Variants in ANKS1A observed in about 807,000 individuals in gnomAD.
ANKS1A encodes ankyrin repeat and SAM domain-containing protein 1A.
In ANKS1A, 55 loss-of-function variants were observed where a neutral mutation model predicts 120.3. That is an observed-to-expected ratio of 0.46 (90% CI 0.37 to 0.57). The LOEUF (loss-of-function observed/expected upper bound fraction) is 0.57, where lower values mean the gene tolerates loss of function less well. ANKS1A is among the 20% of genes least tolerant of loss of function. The probability of loss-of-function intolerance (pLI) is 0.00; values close to 1 mark genes in which losing one functional copy is unlikely to be tolerated. For synonymous variants in ANKS1A, 590 were observed against 604.7 expected (o/e 0.98, Z 0.36); for missense variants, 1,123 against 1,480.3 (o/e 0.76, Z 3.96).
At chr6:34,998,596 A>G (rs749162995) in intron 10 of ANKS1A, among the ~76,000 whole-genome samples, 2 of 152,034 alleles carry the variant, frequency 1.3e-5, no homozygotes, top group Non-Finnish European at 2.9e-5. Flanking sequence ...GGTCTGTTCT[A>G]TTTCACTCTG....
chr6:34,980,206 C>T lies in ANKS1A; in HGVS notation c.436-1484C>T, dbSNP rs140811352. ...CAGGCCGGCTGTATCCTCTGGCCAG[C>T]GAAGGCTGTTGGCACTTTCCTGACA... On this transcript the variant is annotated intron_variant, in intron 3 of 23. Coordinates refer to ENST00000360359, the MANE Select transcript of ANKS1A (RefSeq NM_015245.3). 5.8e-3 allele frequency among the ~76,000 whole-genome samples: 887 copies of T among 152,362 alleles called. 7 individuals are homozygous for T. Among genetic ancestry groups the T allele is most frequent in the African/African-American group, 0.015 (639 of 41,576 alleles).
At chr6:35,029,682 C>T (rs1437360246) in intron 11 of ANKS1A, among the ~76,000 whole-genome samples, 1 of 149,894 alleles carries the variant, frequency 6.7e-6, no homozygotes, top group Non-Finnish European at 1.5e-5. Flanking sequence ...GTTAAGAAGA[C>T]TTTCCTTACT....
At chr6:34,932,603 T>C (rs1769042835) in intron 1 of ANKS1A, among the ~76,000 whole-genome samples, 1 of 152,212 alleles carries the variant, frequency 6.6e-6, no homozygotes, top group African/African-American at 2.4e-5. Context: ...CAGGCTGGTC[T>C]TAAACTCCTG....
intron 13 of ANKS1A, among the ~76,000 whole-genome samples, chr6:35,064,587 C>T (rs1050005694): frequency 1.1e-4 from 17 of 152,248 alleles, no homozygotes; most frequent in Non-Finnish European, 2.2e-4. Flanking sequence ...GGCTCCCTTC[C>T]TGTTCCTGTC....
In ANKS1A at chr6:35,084,257, T is replaced by A; in HGVS notation, c.3131T>A (p.Val1044Glu). The A allele has an allele frequency of 1.2e-6, 2 of 1,613,886 alleles. No individual in the cohort carries two copies. The highest frequency in any genetic ancestry group is 1.7e-6 in the Non-Finnish European group (2 of 1,179,924). The change falls in exon 21 of 24, where the codon GTG becomes GAG. Residue 1044 changes from valine (V) to glutamate (E), a missense_variant and splice_region_variant. This residue lies in a region of ANKS1A where 904 missense variants were observed against 1,130.4 expected (regional missense o/e 0.80). Transcript: ENST00000360359. The surrounding 1 kb of genome is among the most constrained non-coding windows in gnomAD (Gnocchi z 4.8). ...HYCHVFSTVD[V>E]NLTYEIILTL... Reference sequence around the variant, plus strand: ...TGCCATGTGTTCAGCACCGTGGATGTGGTGGGTGGGGTCCTGGGGCCGGGT... The same window carrying A: ...TGCCATGTGTTCAGCACCGTGGATGAGGTGGGTGGGGTCCTGGGGCCGGGT...
chr6:34,916,851 G>A (rs945953482), intron 1 of ANKS1A, among the ~76,000 whole-genome samples: 1 of 152,120 alleles, frequency 6.6e-6, no homozygotes, highest in East Asian at 1.9e-4. Flanking sequence ...ATAGTCCATC[G>A]TGGTCTGTCA....
At position 34,973,799 on chromosome 6, in the gene ANKS1A, T is replaced by G. The variant is rs975499376; in HGVS notation, c.435+3633T>G. On this transcript the variant is annotated intron_variant, in intron 3 of 23. Transcript: ENST00000360359. ...ATTTGACCTTAGGTAGTGGAGCACA[T>G]CAGCTTTGTTTTGGCTTACTCTTTC... is the stretch of plus-strand genomic sequence containing the variant. Among the ~76,000 whole-genome samples the G allele has an allele frequency of 9.9e-5, 15 of 152,166 alleles. 1 individual carries two copies. The highest frequency in any genetic ancestry group is 6.8e-3 in the Middle Eastern group (2 of 294).
intron 1 of ANKS1A, among the ~76,000 whole-genome samples, chr6:34,900,751 G>C (rs768398054): frequency 1.6e-4 from 25 of 151,982 alleles, no homozygotes; most frequent in Non-Finnish European, 3.2e-4. Context: ...TTTGCTCTTG[G>C]TTATTATGCA....
At position 34,982,778 on chromosome 6, in the gene ANKS1A, G is replaced by A. The variant is rs918692918; in HGVS notation, c.759G>A (p.Glu253=). ...CGGAGATGGGCAGTGCTTTGCATGA[G>A]GCTGCTTTGTTTGGCAAGACCGATG... ...YQTEMGSALH[E]AALFGKTDVV... Residue 253 remains glutamate, a synonymous_variant, in exon 5 of 24, where the codon GAG becomes GAA. Transcript: ENST00000360359. This position sits in a 1 kb window ranked among gnomAD's most constrained non-coding sequence, Gnocchi z 4.9. 5 of 1,614,130 alleles carry A rather than the reference G, an allele frequency of 3.1e-6. No homozygotes were observed. The highest frequency in any genetic ancestry group is 2.2e-5 in the South Asian group (2 of 91,090).
At chr6:35,063,624 G>A (rs1276169933) in intron 13 of ANKS1A, among the ~76,000 whole-genome samples, 1 of 152,268 alleles carries the variant, frequency 6.6e-6, no homozygotes. Context: ...GTGCAAGGGA[G>A]TGAGCCAAGA....
Position 35,017,887 on chromosome 6 carries a change from C to A in ANKS1A, c.1838C>A (p.Pro613His), listed in dbSNP as rs894727718. The A allele has an allele frequency of 1.2e-6, 2 of 1,614,086 alleles. No individual in the cohort carries two copies. Among genetic ancestry groups the A allele is most frequent in the African/African-American group, 2.7e-5 (2 of 74,926 alleles). The part of the protein sequence containing the change: ...ARSRAPPTSK[P>H]KAELKLSRSL... Reference sequence around the variant, plus strand: ...AGCCGAGCGCCTCCCACTAGCAAACCCAAAGCTGAACTCAAACTCAGCCGC... The same window carrying A: ...AGCCGAGCGCCTCCCACTAGCAAACACAAAGCTGAACTCAAACTCAGCCGC... Residue 613 changes from proline (P) to histidine (H), a missense_variant, in exon 11 of 24, where the codon CCC becomes CAC. Pro to His is a moderately conservative substitution (Grantham distance 77). Around this residue, in one of 3 missense-constraint regions of ANKS1A, gnomAD observed 904 missense variants for 1,130.4 expected, o/e 0.80. Transcript: ENST00000360359.
chr6:35,010,130 A>G (rs1773679829), intron 10 of ANKS1A, among the ~76,000 whole-genome samples: 1 of 151,630 alleles, frequency 6.6e-6, no homozygotes, highest in Non-Finnish European at 1.5e-5. Context: ...AAGCCTGCTG[A>G]ACTCCAGCCT....
intron 1 of ANKS1A, among the ~76,000 whole-genome samples, chr6:34,934,732 C>A (rs894828669): frequency 2.6e-5 from 4 of 152,244 alleles, no homozygotes; most frequent in Non-Finnish European, 5.9e-5. Flanking sequence ...CTTGCTCTTA[C>A]ACATGTGAAA....
At chr6:35,040,901 G>C (rs7742443) in intron 11 of ANKS1A, among the ~76,000 whole-genome samples, 25,632 of 152,220 alleles carry the variant, frequency 0.17, 2,439 homozygotes, top group Non-Finnish European at 0.22. Context: ...TGCCTCCACT[G>C]TGTCTTCCCT....
chr6:34,939,484 A>G (rs1309801254), intron 1 of ANKS1A, among the ~76,000 whole-genome samples: 2 of 152,206 alleles, frequency 1.3e-5, no homozygotes, highest in African/African-American at 4.8e-5. Context: ...TGTTTTAGCA[A>G]TATTATAATA....
intron 10 of ANKS1A, among the ~76,000 whole-genome samples, chr6:35,010,664 A>T (rs1285947289): frequency 6.6e-6 from 1 of 152,214 alleles, no homozygotes; most frequent in Non-Finnish European, 1.5e-5. Context: ...GTATCCATTG[A>T]TCTAGAAAGA....
intron 10 of ANKS1A, among the ~76,000 whole-genome samples, chr6:34,994,653 G>A (rs563178491): frequency 9.2e-5 from 14 of 152,302 alleles, no homozygotes; most frequent in African/African-American, 2.9e-4. Context: ...CAAGGAAAAG[G>A]TTAGGTCAGA....
At chr6:34,998,445 T>C (rs1449207527) in intron 10 of ANKS1A, among the ~76,000 whole-genome samples, 3 of 152,168 alleles carry the variant, frequency 2.0e-5, no homozygotes, top group Non-Finnish European at 4.4e-5. Context: ...GCCTGGCACC[T>C]AGGAACAGAC....
chr6:34,980,723 T>A (rs1322896460), intron 3 of ANKS1A, among the ~76,000 whole-genome samples: 1 of 152,036 alleles, frequency 6.6e-6, no homozygotes, highest in Non-Finnish European at 1.5e-5. Flanking sequence ...AAAGGAGAGG[T>A]CATGGGACTT....
Sources: gnomAD v4.1 joint callset for allele counts (sites outside exome capture counted in the v4.1 genomes callset) on GRCh38, gnomAD v4.1.1 for gene constraint, gnomAD v4.1.1 regional missense constraint, Gnocchi (gnomAD v3.1) non-coding constraint, MANE v1.5 for transcripts, NCBI Gene and HGNC (gene_info 2026-07-23, HGNC 2026-07-21) for gene names.